Variants in ANXA4 observed in about 807,000 individuals in gnomAD.
ANXA4 encodes the protein annexin A4.
In ANXA4, 39 loss-of-function variants were observed where a neutral mutation model predicts 49.8. That is an observed-to-expected ratio of 0.78 (90% CI 0.61 to 1.02). The LOEUF (loss-of-function observed/expected upper bound fraction) is 1.02, where lower values mean the gene tolerates loss of function less well. Ranked by LOEUF, ANXA4 falls within the 50% of genes least tolerant of loss-of-function variation. ANXA4 has a pLI of 0.00. For synonymous variants in ANXA4, 134 were observed against 152.5 expected (o/e 0.88, Z 0.89); for missense variants, 360 against 410.1 (o/e 0.88, Z 1.05).
intron 8 of ANXA4, 39 bp from the exon 9 acceptor site, chr2:69,816,062 G>A (rs1009297243): frequency 1.3e-5 from 20 of 1,551,894 alleles, no homozygotes; most frequent in African/African-American, 6.8e-5. Flanking sequence ...CTGGCACATC[G>A]TTTTTGGAAT....
intron 12 of ANXA4, among the ~76,000 whole-genome samples, chr2:69,822,253 C>G (rs1222000987): frequency 6.6e-6 from 1 of 151,904 alleles, no homozygotes; most frequent in African/African-American, 2.4e-5. Context: ...CCCAGCTACT[C>G]AGGAGGCTGA....
At chr2:69,649,958 C>T (rs1247885114) in intron 1 of ANXA4, among the ~76,000 whole-genome samples, 5 of 90,778 alleles carry the variant, frequency 5.5e-5, no homozygotes, top group Admixed American at 1.8e-4. Context: ...TTTTTTGAGA[C>T]GGAGTCTCAC....
intron 1 of ANXA4, among the ~76,000 whole-genome samples, chr2:69,649,085 C>T (rs1676123936): frequency 6.6e-6 from 1 of 151,866 alleles, no homozygotes; most frequent in South Asian, 2.1e-4. Context: ...GGGGTTTCTC[C>T]ATGTTGGTCA....
chr2:69,809,031 T>C (rs1358069039), intron 6 of ANXA4: 1 of 152,228 alleles, frequency 6.6e-6, no homozygotes, highest in Non-Finnish European at 1.5e-5. Flanking sequence ...CATAAAATAG[T>C]ATGCTATGAT....
rs763496922 is a variant in ANXA4, at chr2:69,825,479, G to A, written c.930G>A (p.Arg310=). 27 of 1,609,738 alleles carry A rather than the reference G, an allele frequency of 1.7e-5. No homozygotes were observed. In the South Asian group the frequency reaches 2.8e-4, roughly 17 times the overall value. The change falls in exon 13 of 13, where the codon AGG becomes AGA. Residue 310 remains arginine (R), a synonymous_variant. Coordinates refer to ENST00000394295, the MANE Select transcript of ANXA4 (RefSeq NM_001153.5). Reference sequence around the variant, plus strand: ...AGGGTGACACATCTGGAGACTACAGGAAAGTACTGCTTGTTCTCTGTGGAG... The same window carrying A: ...AGGGTGACACATCTGGAGACTACAGAAAAGTACTGCTTGTTCTCTGTGGAG... ...FIKGDTSGDY[R]KVLLVLCGGD... is the part of the protein sequence containing the mutation.
At chr2:69,668,868 A>C (rs1048130834) in intron 2 of ANXA4, among the ~76,000 whole-genome samples, 7 of 152,026 alleles carry the variant, frequency 4.6e-5, no homozygotes, top group Non-Finnish European at 5.9e-5. Context: ...TTATATAGTC[A>C]TCATGTATTT....
chr2:69,719,715 A>G (rs1669767425), intron 2 of ANXA4, among the ~76,000 whole-genome samples: 1 of 152,320 alleles, frequency 6.6e-6, no homozygotes, highest in South Asian at 2.1e-4. Flanking sequence ...CTGGGATTAC[A>G]GGCATGAGAA....
rs537311075 is a variant in ANXA4, at chr2:69,647,116, A to C, written n.481+2211A>C. Among the ~76,000 whole-genome samples, 80 of 152,256 alleles carry C rather than the reference A, an allele frequency of 5.3e-4. 2 individuals carry two copies. The South Asian group carries it at 0.016, about 31-fold the overall frequency. On this transcript the variant is annotated intron_variant and non_coding_transcript_variant, in intron 1 of 3. Coordinates refer to the ANXA4 transcript ENST00000418066. Reference sequence around the variant, plus strand: ...TTTGTGAATAATCAAAGCTCCTGTAACTTAAGTGTGTATTCTTAGCCAACT... The same window carrying C: ...TTTGTGAATAATCAAAGCTCCTGTACCTTAAGTGTGTATTCTTAGCCAACT...
At chr2:69,727,369 C>T (rs1669988304) in intron 3 of ANXA4, among the ~76,000 whole-genome samples, 2 of 152,208 alleles carry the variant, frequency 1.3e-5, no homozygotes, top group Admixed American at 1.3e-4. Context: ...ACATCCCCAC[C>T]AGCAGTGTAT....
chr2:69,790,387 C>T (rs747278597), intron 3 of ANXA4, among the ~76,000 whole-genome samples: 16 of 152,080 alleles, frequency 1.1e-4, no homozygotes, highest in Non-Finnish European at 1.9e-4. Context: ...CGTAGGAGGG[C>T]AGTTTCATTT....
intron 1 of ANXA4, among the ~76,000 whole-genome samples, chr2:69,773,676 G>A (rs1390696647): frequency 7.8e-6 from 1 of 127,920 alleles, no homozygotes; most frequent in African/African-American, 3.0e-5. Flanking sequence ...CTGTCACCCA[G>A]GCTAGAGTGC....
intron 1 of ANXA4, among the ~76,000 whole-genome samples, chr2:69,652,791 G>A (rs1376615181): frequency 1.3e-5 from 2 of 152,230 alleles, no homozygotes; most frequent in South Asian, 2.1e-4. Flanking sequence ...CCCAGGATGC[G>A]GAGGTTGTGG....
chr2:69,648,178 A>G (rs1011041176), intron 1 of ANXA4, among the ~76,000 whole-genome samples: 2 of 152,210 alleles, frequency 1.3e-5, no homozygotes, highest in African/African-American at 4.8e-5. Flanking sequence ...CTCACAATAC[A>G]TCTATGAAGT....
intron 2 of ANXA4, among the ~76,000 whole-genome samples, chr2:69,668,469 G>T (rs913974959): frequency 6.6e-6 from 1 of 152,112 alleles, no homozygotes; most frequent in African/African-American, 2.4e-5. Context: ...TTTAAAAAAA[G>T]TATGAATTGT....
intron 8 of ANXA4, 188 bp from the exon 9 acceptor site, chr2:69,815,913 A>G: frequency 1.7e-6 from 1 of 571,918 alleles, no homozygotes; most frequent in South Asian, 2.3e-5. Flanking sequence ...GGGGGGTATG[A>G]CAGGGTCCCA....
chr2:69,825,610 T>A lies in ANXA4; in HGVS notation c.*95T>A. 1 of 934,052 alleles carries A rather than the reference T, an allele frequency of 1.1e-6. No homozygotes were observed. Among genetic ancestry groups the A allele is most frequent in the Non-Finnish European group, 1.6e-6 (1 of 608,022 alleles). The allele number at this position is 934,052 out of a possible 1,614,324, so 57.9% of individuals were successfully genotyped here. On this transcript the variant is annotated 3_prime_UTR_variant, in exon 13 of 13. Coordinates refer to ENST00000394295, the MANE Select transcript of ANXA4 (RefSeq NM_001153.5). ...GCTATTATCATTATCTCAGAATGCT[T>A]ATTTCCAATTAAAACGCCTACAGCT... is the stretch of plus-strand genomic sequence containing the variant.
At chr2:69,649,812 G>C (rs758890791) in intron 1 of ANXA4, among the ~76,000 whole-genome samples, 1 of 150,540 alleles carries the variant, frequency 6.6e-6, no homozygotes, top group Middle Eastern at 3.4e-3. Context: ...TGTAGAGACA[G>C]GGTTTCACCA....
At chr2:69,655,152 G>A (rs142992302) in intron 2 of ANXA4, among the ~76,000 whole-genome samples, 3,039 of 152,230 alleles carry the variant, frequency 0.02, 101 homozygotes, top group African/African-American at 0.068. Context: ...AAAAGCAATG[G>A]CAACAAAAGC....
chr2:69,752,481 C>T (rs1258843037), intron 1 of ANXA4, among the ~76,000 whole-genome samples: 3 of 152,174 alleles, frequency 2.0e-5, no homozygotes, highest in Non-Finnish European at 2.9e-5. Context: ...CCCTGCTTAC[C>T]CTGTCCAGAC....
Sources: allele counts gnomAD v4.1 joint callset (sites outside exome capture counted in the v4.1 genomes callset), GRCh38; gene constraint gnomAD v4.1.1; transcripts MANE v1.5; gene names NCBI Gene and HGNC (gene_info 2026-07-23, HGNC 2026-07-21).